Variants in CMPK2 observed in about 807,000 individuals in gnomAD.
CMPK2 encodes the protein UMP-CMP kinase 2, mitochondrial.
In CMPK2, 32 loss-of-function variants were observed where a neutral mutation model predicts 33.4. That is an observed-to-expected ratio of 0.96 (90% CI 0.72 to 1.29). The LOEUF (loss-of-function observed/expected upper bound fraction) is 1.29, where lower values mean the gene tolerates loss of function less well. Ranked by LOEUF, CMPK2 falls within the 50% of genes most tolerant of loss-of-function variation. The pLI is 0.00. For missense variants in CMPK2, 672 were observed against 616.0 expected (o/e 1.09, Z -0.96); for synonymous variants, 299 against 275.3 (o/e 1.09, Z -0.85).
In CMPK2 at chr2:6,851,437, C is replaced by G; in HGVS notation, c.1226+13G>C. On this transcript the variant is annotated intron_variant, in intron 4 of 4. Transcript: ENST00000256722. ...TGCCTGCCGCTCACATTGCATTGCA[C>G]TGGGACACCTACTTTTGACGAAACA... The G allele has an allele frequency of 1.2e-6, 2 of 1,614,204 alleles. No individual in the cohort carries two copies. The highest frequency in any genetic ancestry group is 1.7e-6 in the Non-Finnish European group (2 of 1,180,042).
intron 3 of CMPK2, among the ~76,000 whole-genome samples, chr2:6,857,248 T>C (rs1009221914): frequency 6.6e-6 from 1 of 152,176 alleles, no homozygotes; most frequent in Admixed American, 6.5e-5. Flanking sequence ...TATGACCTGC[T>C]TGTCATATCC....
rs895819605 is a variant in CMPK2, at chr2:6,861,169, C to T, written c.992+15G>A. On this transcript the variant is annotated intron_variant, in intron 3 of 4. Coordinates refer to ENST00000256722, the MANE Select transcript of CMPK2 (RefSeq NM_207315.4). The stretch of plus-strand genomic sequence containing the variant: ...TAGGGAGAAAATGCCTAATTCAAGG[C>T]ATCTTTATACCTACCTGTCTACAAT... The T allele has an allele frequency of 3.1e-6, 5 of 1,603,438 alleles. No individual in the cohort carries two copies. The Admixed American group carries it at 6.7e-5, about 21-fold the overall frequency.
chr2:6,842,468 C>G (rs1662257893), intron 3 of CMPK2, among the ~76,000 whole-genome samples: 1 of 152,206 alleles, frequency 6.6e-6, no homozygotes, highest in South Asian at 2.1e-4. Flanking sequence ...TGCAACTGTT[C>G]AGAGGCAAGC....
chr2:6,846,555 A>G (rs980947473), downstream of CMPK2, among the ~76,000 whole-genome samples: 2 of 152,248 alleles, frequency 1.3e-5, no homozygotes. Flanking sequence ...CATTGCATAG[A>G]AAGAAGAGGT....
Position 6,849,743 on chromosome 2 carries a change from C to T in CMPK2, c.*107G>A. Reference sequence around the variant, plus strand: ...GCCTGGTCTCCAGTTTTCTGCCACACAACATGCTTGTAGAACAGAAATTTG... The same window carrying T: ...GCCTGGTCTCCAGTTTTCTGCCACATAACATGCTTGTAGAACAGAAATTTG... On this transcript the variant is annotated 3_prime_UTR_variant, in exon 5 of 5. Transcript: ENST00000256722. 4 of 1,558,890 alleles carry T rather than the reference C, an allele frequency of 2.6e-6. No homozygotes were observed. Among genetic ancestry groups the T allele is most frequent in the African/African-American group, 1.4e-5 (1 of 72,698 alleles).
chr2:6,841,159 T>G (rs922774592), intron 3 of CMPK2, among the ~76,000 whole-genome samples: 2 of 152,088 alleles, frequency 1.3e-5, no homozygotes, highest in Admixed American at 1.3e-4. Context: ...TTTGGAGGTA[T>G]TTAGGGAGTC....
upstream of CMPK2, chr2:6,865,985 G>A: frequency 1.2e-6 from 1 of 847,098 alleles, no homozygotes; most frequent in Non-Finnish European, 1.6e-6. Context: ...GGCCTGCGCG[G>A]TCCCCAGGCG....
intron 3 of CMPK2, chr2:6,840,714 AG>A: frequency 1.4e-6 from 1 of 701,324 alleles, no homozygotes; most frequent in East Asian, 2.7e-5. Context: ...ATCCTTCACC[AG>A]TACCAAGTCT....
chr2:6,851,750 C>T, intron 3 of CMPK2, 67 bp from the exon 4 acceptor site: 1 of 1,475,742 alleles, frequency 6.8e-7, no homozygotes. Flanking sequence ...TGAAAATCAG[C>T]AGCCAGGAAT....
At chr2:6,841,294 C>T (rs1662228187) in intron 3 of CMPK2, among the ~76,000 whole-genome samples, 1 of 152,154 alleles carries the variant, frequency 6.6e-6, no homozygotes, top group African/African-American at 2.4e-5. Context: ...CTGAATTCCC[C>T]TTATCTTTGG....
chr2:6,842,258 G>A (rs1459056268), intron 3 of CMPK2, among the ~76,000 whole-genome samples: 1 of 152,178 alleles, frequency 6.6e-6, no homozygotes, highest in Non-Finnish European at 1.5e-5. Context: ...AAGGAAAGTG[G>A]CTGAGTTCAG....
At chr2:6,863,390 G>T in intron 2 of CMPK2, 74 bp downstream of exon 2, 1 of 1,340,242 alleles carries the variant, frequency 7.5e-7, no homozygotes. Context: ...GTTTGGTTTT[G>T]CAGGAAGTAT....
chr2:6,858,252 C>T (rs1442748282), intron 3 of CMPK2, among the ~76,000 whole-genome samples: 2 of 151,540 alleles, frequency 1.3e-5, no homozygotes, highest in East Asian at 1.9e-4. Flanking sequence ...ATGGTGCTTT[C>T]TCAGACAGGC....
At chr2:6,857,639 C>T (rs1436798342) in intron 3 of CMPK2, among the ~76,000 whole-genome samples, 4 of 131,726 alleles carry the variant, frequency 3.0e-5, no homozygotes, top group Non-Finnish European at 3.1e-5. Flanking sequence ...CTTTTCTTTT[C>T]TTTTTTTTTT....
At chr2:6,847,791 G>T (rs1662398719), downstream of CMPK2, among the ~76,000 whole-genome samples, 1 of 152,084 alleles carries the variant, frequency 6.6e-6, no homozygotes, top group Non-Finnish European at 1.5e-5. Flanking sequence ...ACATACTATT[G>T]GCAAGAAACT....
At chr2:6,846,793 G>C (rs1002842610), downstream of CMPK2, among the ~76,000 whole-genome samples, 23 of 152,276 alleles carry the variant, frequency 1.5e-4, no homozygotes, top group African/African-American at 5.3e-4. Context: ...GAATAGACAA[G>C]AAGCCTCAGA....
At chr2:6,859,574 G>T (rs1466172573) in intron 3 of CMPK2, among the ~76,000 whole-genome samples, 1 of 152,190 alleles carries the variant, frequency 6.6e-6, no homozygotes, top group Non-Finnish European at 1.5e-5. Context: ...TTGATTCAGA[G>T]GGGGAAAGCC....
intron 2 of CMPK2, 58 bp from the exon 3 acceptor site, chr2:6,861,443 C>T (rs1264668705): frequency 3.8e-5 from 51 of 1,326,766 alleles, no homozygotes; most frequent in Non-Finnish European, 4.6e-5. Flanking sequence ...TTAACATTGA[C>T]GTAGAAAGAG....
In CMPK2 at chr2:6,862,876, C is replaced by T. The variant is rs1662924351; in HGVS notation, c.790+588G>A. On this transcript the variant is annotated intron_variant, in intron 2 of 4. Coordinates refer to ENST00000256722, the MANE Select transcript of CMPK2 (RefSeq NM_207315.4). ...ATGCTAGTTCTCCAACATCAACCCT[C>T]TCCTCAGTGTGTCCTGGGCCACAGG... Among the ~76,000 whole-genome samples the T allele has an allele frequency of 3.9e-5, 6 of 152,240 alleles. No homozygotes were observed. In the South Asian group the frequency reaches 1.2e-3, roughly 31 times the overall value.
Sources: gnomAD v4.1 joint callset for allele counts (sites outside exome capture counted in the v4.1 genomes callset) on GRCh38, gnomAD v4.1.1 for gene constraint, MANE v1.5 for transcripts, NCBI Gene and HGNC (gene_info 2026-07-23, HGNC 2026-07-21) for gene names.